SSC4D: variants seen among roughly 807,000 people sequenced by gnomAD.
SSC4D encodes scavenger receptor cysteine rich family member with 4 domains, also known as scavenger receptor cysteine-rich domain-containing group B protein.
In SSC4D, 57 loss-of-function variants were observed where a neutral mutation model predicts 63.4. The observed-to-expected ratio is 0.90, with a 90% CI of 0.73 to 1.12. SSC4D has a LOEUF of 1.12. Among genes scored for constraint, SSC4D ranks in the 50% most tolerant of loss-of-function variants. SSC4D has a pLI of 0.00. For synonymous variants in SSC4D, 352 were observed against 345.4 expected (o/e 1.02, Z -0.21); for missense variants, 791 against 806.4 (o/e 0.98, Z 0.23).
At chr7:76,390,991 C>T (rs1418543944) in intron 10 of SSC4D, among the ~76,000 whole-genome samples, 1 of 151,946 alleles carries the variant, frequency 6.6e-6, no homozygotes, top group African/African-American at 2.4e-5. Context: ...AAAAATTAGC[C>T]GGGTGTGGTG....
At chr7:76,398,616 C>T in intron 5 of SSC4D, 104 bp downstream of exon 5, 2 of 1,329,350 alleles carry the variant, frequency 1.5e-6, no homozygotes, top group Non-Finnish European at 2.1e-6. Context: ...TTTTCTCTAA[C>T]TTTACATCTT....
rs1296071506 is a variant in SSC4D at position 76,397,571 on chromosome 7, C to A, written c.815G>T (p.Gly272Val). 1.2e-6 allele frequency: 2 copies of A among 1,607,676 alleles called. No individual in the cohort carries two copies. Among genetic ancestry groups the A allele is most frequent in the Non-Finnish European group, 8.5e-7 (1 of 1,177,322 alleles). Residue 272 changes from glycine (G) to valine (V), a missense_variant, in exon 6 of 11, where the codon GGC (glycine) becomes GTC (valine). Coordinates refer to ENST00000275560, the MANE Select transcript of SSC4D (RefSeq NM_080744.2). ...GTGGCCGCAGTTGTGCACACCCCAG[C>A]CCAGGCTCTGGCAGGCTGCCAGGCG... The part of the protein sequence containing the change: ...EPRLAACQSL[G>V]WGVHNCGHHE...
Position 76,404,496 on chromosome 7 carries a change from G to A in SSC4D, c.-57C>T. 6.2e-7 allele frequency: 1 copy of A among 1,612,584 alleles called. No homozygotes were observed. The highest frequency in any genetic ancestry group is 8.5e-7 in the Non-Finnish European group (1 of 1,179,720). On this transcript the variant is annotated 5_prime_UTR_variant, in exon 2 of 11. Coordinates refer to ENST00000275560, the MANE Select transcript of SSC4D (RefSeq NM_080744.2). The stretch of plus-strand genomic sequence containing the variant: ...ATCAAGGCGCCAGGGAGAAGTCACA[G>A]TTGGAACATCTGAAATTAAAGATCC...
In SSC4D at chr7:76,397,504, C is replaced by A; in HGVS notation, c.868+14G>T. ...ACCTGCCCCGGCCCCGCCCATCGCCCCTAGAGCCCGCACCTGCGCAGAGCG... is the reference window on the plus strand; with the variant it reads ...ACCTGCCCCGGCCCCGCCCATCGCCACTAGAGCCCGCACCTGCGCAGAGCG... On this transcript the variant is annotated intron_variant, in intron 6 of 10. Coordinates refer to ENST00000275560, the MANE Select transcript of SSC4D (RefSeq NM_080744.2). 6.6e-7 allele frequency: 1 copy of A among 1,504,052 alleles called. No homozygotes were observed. The highest frequency in any genetic ancestry group is 1.3e-5 in the South Asian group (1 of 76,978). The allele number at this position is 1,504,052 out of a possible 1,614,324, so 93.2% of individuals were successfully genotyped here.
rs1176194735 is a variant in SSC4D at position 76,406,407 on chromosome 7, C to G, written c.-66-1902G>C. Among the ~76,000 whole-genome samples the G allele has an allele frequency of 1.3e-5, 2 of 152,140 alleles. 1 individual carries two copies. On this transcript the variant is annotated intron_variant, in intron 1 of 10. Coordinates refer to ENST00000275560, the MANE Select transcript of SSC4D (RefSeq NM_080744.2). ...TGTACAATGCCTTCTAAAAAGGACT[C>G]TGGTTTTCCGTTTATCAGAACAATA... is the stretch of plus-strand genomic sequence containing the variant.
Position 76,391,507 on chromosome 7 carries a change from C to T in SSC4D, c.1411+457G>A, listed in dbSNP as rs150102333. 3.7e-3 allele frequency among the ~76,000 whole-genome samples: 561 copies of T among 152,262 alleles called. 3 individuals carry two copies. The highest frequency in any genetic ancestry group is 0.013 in the African/African-American group (537 of 41,552). On this transcript the variant is annotated intron_variant, in intron 10 of 10. Transcript: ENST00000275560. ...TCAGGACTGGGAGAAAGCGTGCAAA[C>T]GTTTTTGAGTGATCCGCGACGTGTA...
intron 9 of SSC4D, 92 bp downstream of exon 9, chr7:76,393,313 G>A: frequency 8.1e-7 from 1 of 1,240,100 alleles, no homozygotes; most frequent in Non-Finnish European, 1.0e-6. Flanking sequence ...CGGCAGTGCC[G>A]CAAGAGAGGC....
chr7:76,399,522 A>G (rs548263129), intron 4 of SSC4D, among the ~76,000 whole-genome samples: 2 of 151,318 alleles, frequency 1.3e-5, no homozygotes, highest in African/African-American at 4.8e-5. Context: ...GGCCAGTGTG[A>G]CCCCAATAGT....
At chr7:76,409,328 C>G (rs79647182) in intron 1 of SSC4D, 86 bp downstream of exon 1, 2 of 22,718 alleles carry the variant, frequency 8.8e-5, no homozygotes, top group Non-Finnish European at 8.9e-5. Context: ...CTGTCTCACA[C>G]ACACACACAC....
chr7:76,390,327 T>G lies in SSC4D; in HGVS notation c.1460A>C (p.Glu487Ala). 6.2e-7 allele frequency: 1 copy of G among 1,611,250 alleles called. No individual in the cohort carries two copies. Among genetic ancestry groups the G allele is most frequent in the Non-Finnish European group, 8.5e-7 (1 of 1,178,384 alleles). ...GCCCCACCGTTGCCCTAGGTAGAGC[T>G]CTACACGTCCCTCGCATCGGTGGGC... ...NGAHRCEGRVELYLGQRWGTV... is the reference protein window; with the variant it reads ...NGAHRCEGRVALYLGQRWGTV... Residue 487 changes from glutamate to alanine, a missense_variant, in exon 11 of 11, where the codon GAG (glutamate) becomes GCG (alanine). Transcript: ENST00000275560.
At chr7:76,395,584 TA>T (rs1804616796) in intron 6 of SSC4D, among the ~76,000 whole-genome samples, 1 of 152,246 alleles carries the variant, frequency 6.6e-6, no homozygotes, top group Non-Finnish European at 1.5e-5. Flanking sequence ...CATTTCTCTC[TA>T]ATGTCCCATG....
At chr7:76,393,339 GC>G in intron 9 of SSC4D, 65 bp downstream of exon 9, 1 of 1,287,014 alleles carries the variant, frequency 7.8e-7, no homozygotes, top group Non-Finnish European at 9.8e-7. Flanking sequence ...GCGTGGCGCC[GC>G]CCCGCCCCTC....
At position 76,397,676 on chromosome 7, in the gene SSC4D, G is replaced by T. The variant is rs1395854620; in HGVS notation, c.710C>A (p.Ala237Asp). The T allele has an allele frequency of 3.7e-6, 6 of 1,613,242 alleles. No homozygotes were observed. Among genetic ancestry groups the T allele is most frequent in the Non-Finnish European group, 5.1e-6 (6 of 1,179,822 alleles). Residue 237 changes from alanine to aspartate, a missense_variant, in exon 6 of 11, where the codon GCC (alanine) becomes GAC (aspartate). Transcript: ENST00000275560. ...CRQLGCGAAM[A>D]ATTNAFFGYG... The stretch of plus-strand genomic sequence containing the variant: ...GCCGAAGAAGGCGTTGGTGGTGGCG[G>T]CCATGGCCGCCCCGCAGCCCAGCTG...
At chr7:76,400,978 G>A in intron 3 of SSC4D, 30 bp downstream of exon 3, 13 of 1,551,228 alleles carry the variant, frequency 8.4e-6, no homozygotes, top group Non-Finnish European at 1.1e-5. Context: ...GGACAGGTGA[G>A]GGTGAGGAAG....
intron 1 of SSC4D, 48 bp from the exon 2 acceptor site, chr7:76,404,553 A>C: frequency 6.5e-7 from 1 of 1,527,272 alleles, no homozygotes; most frequent in South Asian, 1.1e-5. Context: ...GCACTTTGGG[A>C]GGCCGAGGTG....
At chr7:76,392,063 T>G (rs1361402539) in intron 9 of SSC4D, 22 bp from the exon 10 acceptor site, 1 of 1,557,030 alleles carries the variant, frequency 6.4e-7, no homozygotes, top group Non-Finnish European at 8.7e-7. Context: ...AGGACAGAGA[T>G]AAAGAGGTGG....
At chr7:76,398,264 CT>C (rs1563682973) in intron 5 of SSC4D, among the ~76,000 whole-genome samples, 1 of 151,484 alleles carries the variant, frequency 6.6e-6, no homozygotes, top group African/African-American at 2.4e-5. Flanking sequence ...CTCATCTGAC[CT>C]TCCTGTGAGA....
chr7:76,401,158 T>C, intron 2 of SSC4D, 115 bp from the exon 3 acceptor site: 2 of 1,348,084 alleles, frequency 1.5e-6, no homozygotes, highest in Non-Finnish European at 2.0e-6. Flanking sequence ...CTTCTTGGAC[T>C]TCAGTACCCC....
chr7:76,393,367 G>A lies in SSC4D; in HGVS notation c.1333+38C>T, dbSNP rs937218104. 3.0e-6 allele frequency: 4 copies of A among 1,321,476 alleles called. No homozygotes were observed. The East Asian group carries it at 9.1e-5, about 30-fold the overall frequency. The allele number at this position is 1,321,476 out of a possible 1,614,324, so 81.9% of individuals were successfully genotyped here. ...CCGCCCCTCCCACGCCGCAGTGCGCGGCCCCGCTGTCAGCCTCACCTTCGC... is the reference window on the plus strand; with the variant it reads ...CCGCCCCTCCCACGCCGCAGTGCGCAGCCCCGCTGTCAGCCTCACCTTCGC... On this transcript the variant is annotated intron_variant, in intron 9 of 10. Coordinates refer to ENST00000275560, the MANE Select transcript of SSC4D (RefSeq NM_080744.2).
Sources: gnomAD v4.1 joint callset for allele counts (sites outside exome capture counted in the v4.1 genomes callset) on GRCh38, gnomAD v4.1.1 for gene constraint, MANE v1.5 for transcripts, NCBI Gene and HGNC (gene_info 2026-07-23, HGNC 2026-07-21) for gene names.